The following UNG variants were observed in gnomAD, a reference collection of about 807,000 sequenced individuals.
The protein encoded by UNG is uracil DNA glycosylase.
A neutral mutation model predicts 36.5 loss-of-function variants in UNG; 34 were observed. The ratio of observed to expected loss-of-function variants is 0.93; its 90% CI spans 0.71 to 1.24. UNG has a LOEUF of 1.24. Ranked by LOEUF, UNG falls within the 50% of genes most tolerant of loss-of-function variation. The pLI is 0.00. For synonymous variants in UNG, 172 were observed against 157.8 expected, an observed-to-expected ratio of 1.09 and a Z score of -0.67; for missense variants, 391 against 397.6, an observed-to-expected ratio of 0.98 and a Z score of 0.14.
In UNG at chr12:109,103,341, G is replaced by A. The variant is rs998815335; in HGVS notation, c.623-92G>A. 14 of 1,204,706 alleles carry A rather than the reference G, an allele frequency of 1.2e-5. No homozygotes were observed. The East Asian group carries it at 2.4e-4, about 20-fold the overall frequency. The allele number at this position is 1,204,706 out of a possible 1,614,324, so 74.6% of individuals were successfully genotyped here. A position where few individuals can be genotyped will look rare whatever the true frequency, so the allele number is the denominator to read the frequency against. On this transcript the variant is annotated intron_variant, in intron 5 of 6. Coordinates refer to ENST00000242576, the MANE Select transcript of UNG (RefSeq NM_080911.3). ...AGCTTGCTACACTGGATCCCATCAA[G>A]CATTGGTTTCATCATGGATTTAGCT...
rs569544489 is a variant in UNG at position 109,101,611 on chromosome 12, C to T, written c.436-291C>T. 9.9e-5 allele frequency among the ~76,000 whole-genome samples: 15 copies of T among 152,052 alleles called. No individual in the cohort carries two copies. In the South Asian group the frequency reaches 3.1e-3, roughly 32 times the overall value. Reference sequence around the variant, plus strand: ...TGTGGGCCCAGCTACTCTGGAGGCTCAGGTGGGAGGACCACTTGAGCCCAG... The same window carrying T: ...TGTGGGCCCAGCTACTCTGGAGGCTTAGGTGGGAGGACCACTTGAGCCCAG... On this transcript the variant is annotated intron_variant, in intron 3 of 6. Transcript: ENST00000242576.
intron 6 of UNG, among the ~76,000 whole-genome samples, chr12:109,106,688 C>T (rs1249678490): frequency 1.3e-5 from 2 of 150,112 alleles, no homozygotes; most frequent in African/African-American, 4.9e-5. Context: ...TGTCTGAGCT[C>T]AGGAGTTTGA....
intron 1 of UNG, 161 bp downstream of exon 1, chr12:109,097,972 T>C: frequency 3.2e-6 from 4 of 1,247,638 alleles, no homozygotes; most frequent in African/African-American, 1.5e-5. Flanking sequence ...CTGTCCCCCA[T>C]GGGCCGCCAT....
chr12:109,099,493 A>G (rs2042160744), intron 3 of UNG: 1 of 588,406 alleles, frequency 1.7e-6, no homozygotes, highest in Admixed American at 2.9e-5. Context: ...AAAACTATGT[A>G]CATCCTGTGC....
At position 109,103,258 on chromosome 12, in the gene UNG, G is replaced by A. The variant is rs3219237; in HGVS notation, c.623-175G>A. Among the ~76,000 whole-genome samples, 636 of 152,148 alleles carry A rather than the reference G, an allele frequency of 4.2e-3. 2 individuals carry two copies. Among genetic ancestry groups the A allele is most frequent in the Non-Finnish European group, 6.4e-3 (434 of 67,994 alleles). On this transcript the variant is annotated intron_variant, in intron 5 of 6. Coordinates refer to ENST00000242576, the MANE Select transcript of UNG (RefSeq NM_080911.3). ...GGCATAAGCCACCACGCCCAGCCCC[G>A]ACTCCATTGTTGATGGTAGTGGCTG...
At chr12:109,102,755 T>C in intron 4 of UNG, 84 bp from the exon 5 acceptor site, 1 of 1,160,752 alleles carries the variant, frequency 8.6e-7, no homozygotes. Flanking sequence ...CTTCTAACCT[T>C]TTCACATATG....
intron 3 of UNG, among the ~76,000 whole-genome samples, chr12:109,101,232 A>G (rs552910307): frequency 6.8e-6 from 1 of 147,378 alleles, no homozygotes; most frequent in South Asian, 2.1e-4. Context: ...AGCTGGGACT[A>G]CAGGTGTGCG....
chr12:109,106,875 A>T, intron 6 of UNG, among the ~76,000 whole-genome samples: 1 of 59,090 alleles, frequency 1.7e-5, no homozygotes, highest in Non-Finnish European at 3.2e-5. Context: ...CAAAAAAAAA[A>T]CATATATATA....
At chr12:109,107,921 A>C (rs775889195) in intron 6 of UNG, among the ~76,000 whole-genome samples, 13 of 152,162 alleles carry the variant, frequency 8.5e-5, no homozygotes, top group Non-Finnish European at 1.6e-4. Context: ...GAGTTCAGAA[A>C]GGCACAAAAT....
rs766467977 is a variant in UNG at position 109,097,769 on chromosome 12, G to A, written c.90G>A (p.Gly30=). ...HAPSPEPAVQ[G]TGVAGVPEES... ...CCAGCCCCGAGCCGGCCGTCCAGGGGACCGGCGTGGCTGGGGTGCCTGAGG... is the reference window on the plus strand; with the variant it reads ...CCAGCCCCGAGCCGGCCGTCCAGGGAACCGGCGTGGCTGGGGTGCCTGAGG... The change falls in exon 1 of 7, where the codon GGG becomes GGA. Residue 30 remains glycine, a synonymous_variant. Coordinates refer to ENST00000242576, the MANE Select transcript of UNG (RefSeq NM_080911.3). 22 of 1,565,442 alleles carry A rather than the reference G, an allele frequency of 1.4e-5. No homozygotes were observed. In the South Asian group the frequency reaches 2.4e-4, roughly 17 times the overall value.
intron 6 of UNG, among the ~76,000 whole-genome samples, chr12:109,106,673 T>C (rs1470008629): frequency 6.7e-6 from 1 of 149,582 alleles, no homozygotes; most frequent in African/African-American, 2.5e-5. Flanking sequence ...CCGAGGCGAG[T>C]GGATTGTCTG....
chr12:109,100,188 C>T (rs1029132693), intron 3 of UNG, among the ~76,000 whole-genome samples: 1 of 152,198 alleles, frequency 6.6e-6, no homozygotes, highest in Non-Finnish European at 1.5e-5. Context: ...CAGAGTTGGA[C>T]AGTGTGGCAA....
intron 6 of UNG, among the ~76,000 whole-genome samples, chr12:109,105,794 T>G (rs577369126): frequency 6.6e-6 from 1 of 152,348 alleles, no homozygotes; most frequent in South Asian, 2.1e-4. Context: ...AATCTACCCC[T>G]GCCTGACCAC....
chr12:109,100,532 T>C (rs1456054360), intron 3 of UNG, among the ~76,000 whole-genome samples: 4 of 152,226 alleles, frequency 2.6e-5, no homozygotes, highest in African/African-American at 4.8e-5. Context: ...TCTAGCTCTT[T>C]GGTTTTGAAG....
intron 6 of UNG, 76 bp downstream of exon 6, chr12:109,103,687 C>G (rs2042196642): frequency 1.4e-6 from 2 of 1,464,800 alleles, no homozygotes; most frequent in African/African-American, 1.4e-5. Flanking sequence ...CTAGGAGTCC[C>G]TGCTGTGTTT....
At chr12:109,098,093 A>G in intron 1 of UNG, 1 of 1,369,662 alleles carries the variant, frequency 7.3e-7, no homozygotes, top group Non-Finnish European at 9.4e-7. Context: ...AGGGGGCGGG[A>G]CCCAGAGGGA....
chr12:109,110,284 C>A lies in UNG; in HGVS notation c.*315C>A. ...TATGGTGAAACAGGGGAGATGTGCACCTTTCAGGCACAGCCCTAGTTTGGC... is the reference window on the plus strand; with the variant it reads ...TATGGTGAAACAGGGGAGATGTGCAACTTTCAGGCACAGCCCTAGTTTGGC... On this transcript the variant is annotated 3_prime_UTR_variant, in exon 7 of 7. Transcript: ENST00000242576. 2.6e-6 allele frequency: 1 copy of A among 378,250 alleles called. No homozygotes were observed. Among genetic ancestry groups the A allele is most frequent in the South Asian group, 2.6e-5 (1 of 38,480 alleles). 23.4% of individuals were successfully genotyped at this position (378,250 alleles called of 1,614,324 possible).
intron 4 of UNG, among the ~76,000 whole-genome samples, chr12:109,102,426 C>T (rs753801080): frequency 1.3e-5 from 2 of 151,116 alleles, no homozygotes; most frequent in Admixed American, 6.6e-5. Flanking sequence ...GGCAGTGAGC[C>T]GAGATCCTGC....
intron 6 of UNG, among the ~76,000 whole-genome samples, chr12:109,106,783 C>T (rs1333604539): frequency 2.9e-5 from 4 of 139,700 alleles, no homozygotes; most frequent in African/African-American, 1.0e-4. Context: ...CCTGTAGTCC[C>T]AGCTACTTGG....
Sources: gnomAD v4.1 joint callset for allele counts (sites outside exome capture counted in the v4.1 genomes callset) on GRCh38, gnomAD v4.1.1 for gene constraint, MANE v1.5 for transcripts, NCBI Gene and HGNC (gene_info 2026-07-23, HGNC 2026-07-21) for gene names.